The following REEP3 variants were observed in gnomAD, a reference collection of about 807,000 sequenced individuals.
The protein encoded by REEP3 is receptor accessory protein 3, also known as receptor expression-enhancing protein 3.
A neutral mutation model predicts 41.3 loss-of-function variants in REEP3; 20 were observed. The ratio of observed to expected loss-of-function variants is 0.48; its 90% confidence interval spans 0.34 to 0.70. REEP3 has a LOEUF of 0.70. REEP3 is among the 30% of genes least tolerant of loss of function. The pLI is 0.01. For missense variants in REEP3, 271 were observed against 308.8 expected (o/e 0.88, Z 0.92); for synonymous variants, 104 against 101.8 (o/e 1.02, Z -0.13).
Position 63,617,812 on chromosome 10 carries a change from CTTTTTTT to C in REEP3, c.566-1822_566-1816del, listed in dbSNP as rs60910642. 8.4e-5 allele frequency among the ~76,000 whole-genome samples: 7 copies of C among 83,550 alleles called. No homozygotes were observed. The East Asian group carries it at 1.5e-3, about 18-fold the overall frequency. The allele number at this position is 83,550 out of a possible 152,430, so 54.8% of individuals were successfully genotyped here. A position where few individuals can be genotyped will look rare whatever the true frequency, so the allele number is the denominator to read the frequency against. ...TCCTAAGCCTGGAAATCCTTCTACT[CTTTTTTT>C]TTTTTTTTTTTTTTTTTTTTAAAGA... On this transcript the variant is annotated intron_variant, in intron 6 of 7. Coordinates refer to ENST00000373758, the MANE Select transcript of REEP3 (RefSeq NM_001001330.3).
At chr10:63,609,901 T>C (rs1367425996) in intron 5 of REEP3, among the ~76,000 whole-genome samples, 1 of 152,260 alleles carries the variant, frequency 6.6e-6, no homozygotes, top group Non-Finnish European at 1.5e-5. Context: ...AAGCCCATCA[T>C]ACATCTTTTA....
intron 1 of REEP3, among the ~76,000 whole-genome samples, chr10:63,528,427 G>A (rs1955387337): frequency 6.6e-6 from 1 of 152,096 alleles, no homozygotes; most frequent in African/African-American, 2.4e-5. Flanking sequence ...AATACATCCT[G>A]TACTCACCAC....
chr10:63,571,966 C>G (rs1236456527), intron 2 of REEP3, among the ~76,000 whole-genome samples: 3 of 152,140 alleles, frequency 2.0e-5, no homozygotes, highest in South Asian at 2.1e-4. Flanking sequence ...GTTGAAACAG[C>G]CTTCACAACC....
At chr10:63,562,352 G>C (rs1955749005) in intron 1 of REEP3, among the ~76,000 whole-genome samples, 1 of 151,466 alleles carries the variant, frequency 6.6e-6, no homozygotes, top group Admixed American at 6.6e-5. Context: ...CCACCTCCCA[G>C]GTTCCAGCGA....
intron 1 of REEP3, among the ~76,000 whole-genome samples, chr10:63,536,477 A>T (rs1036845137): frequency 6.6e-6 from 1 of 152,194 alleles, no homozygotes; most frequent in Non-Finnish European, 1.5e-5. Flanking sequence ...TTTAAAAGCT[A>T]ATTAGAAACT....
At chr10:63,564,097 G>A (rs11814936) in intron 1 of REEP3, among the ~76,000 whole-genome samples, 5,253 of 152,210 alleles carry the variant, frequency 0.035, 118 homozygotes, top group Middle Eastern at 0.11. Context: ...ACAAAAATCA[G>A]CACTGGTACA....
chr10:63,595,865 A>G (rs1956109835), intron 3 of REEP3, among the ~76,000 whole-genome samples: 1 of 152,250 alleles, frequency 6.6e-6, no homozygotes, highest in Non-Finnish European at 1.5e-5. Flanking sequence ...GGCATCAGCC[A>G]TTGCACCCAG....
rs1378073182 is a variant in REEP3 at position 63,521,414 on chromosome 10, G to A, written c.-132G>A. Reference sequence around the variant, plus strand: ...GCCGCCGCGCGCACACACCGGGCCCGGCTCCTGAGGGCGCCAGCGCGGCCC... The same window carrying A: ...GCCGCCGCGCGCACACACCGGGCCCAGCTCCTGAGGGCGCCAGCGCGGCCC... On this transcript the variant is annotated 5_prime_UTR_variant, in exon 1 of 8. Transcript: ENST00000373758. The A allele has an allele frequency of 1.8e-5, 5 of 276,550 alleles. No homozygotes were observed. The South Asian group carries it at 5.3e-4, about 30-fold the overall frequency. 17.1% of individuals were successfully genotyped at this position (276,550 alleles called of 1,614,324 possible).
At chr10:63,523,387 C>A (rs1955314546) in intron 1 of REEP3, among the ~76,000 whole-genome samples, 1 of 152,172 alleles carries the variant, frequency 6.6e-6, no homozygotes, top group South Asian at 2.1e-4. Context: ...AATCCTAGCA[C>A]TTTGGGAGGC....
intron 1 of REEP3, among the ~76,000 whole-genome samples, chr10:63,526,161 A>C (rs890731902): frequency 3.3e-5 from 5 of 152,218 alleles, no homozygotes; most frequent in Non-Finnish European, 7.3e-5. Flanking sequence ...TAAAAATGTT[A>C]TACTAGTCTT....
chr10:63,606,256 C>T (rs1476315416), intron 5 of REEP3: 1 of 69,682 alleles, frequency 1.4e-5, no homozygotes, highest in Non-Finnish European at 2.8e-5. Context: ...TAGACTAGAA[C>T]TTTTCTTTTT....
At chr10:63,584,854 C>T (rs1266491711) in intron 2 of REEP3, among the ~76,000 whole-genome samples, 1 of 152,104 alleles carries the variant, frequency 6.6e-6, no homozygotes, top group East Asian at 1.9e-4. Flanking sequence ...GTCTGAAATT[C>T]AGCAGTGTTT....
At chr10:63,595,572 G>A (rs892654753) in intron 3 of REEP3, among the ~76,000 whole-genome samples, 2 of 151,388 alleles carry the variant, frequency 1.3e-5, no homozygotes, top group African/African-American at 2.4e-5. Flanking sequence ...ACAATTACTC[G>A]TCTTTTTTTT....
chr10:63,559,743 A>G (rs1007801480), intron 1 of REEP3, among the ~76,000 whole-genome samples: 1 of 152,186 alleles, frequency 6.6e-6, no homozygotes, highest in Non-Finnish European at 1.5e-5. Context: ...CAAGTGATAT[A>G]AGTAAAGTGC....
intron 1 of REEP3, among the ~76,000 whole-genome samples, chr10:63,535,583 A>G (rs546950385): frequency 6.6e-6 from 1 of 152,278 alleles, no homozygotes; most frequent in Admixed American, 6.5e-5. Context: ...TCACTATTAC[A>G]TGTCATGATT....
intron 5 of REEP3, among the ~76,000 whole-genome samples, chr10:63,609,067 C>T (rs892578038): frequency 9.2e-5 from 14 of 152,126 alleles, no homozygotes; most frequent in Non-Finnish European, 1.8e-4. Flanking sequence ...GATTCTTTGG[C>T]TCTTACATGT....
At chr10:63,546,142 G>A (rs562593021) in intron 1 of REEP3, among the ~76,000 whole-genome samples, 1 of 152,318 alleles carries the variant, frequency 6.6e-6, no homozygotes, top group African/African-American at 2.4e-5. Flanking sequence ...CTGGCTCTGA[G>A]TGAGGTGGGA....
At chr10:63,571,217 A>C (rs1955849266) in intron 2 of REEP3, among the ~76,000 whole-genome samples, 1 of 152,198 alleles carries the variant, frequency 6.6e-6, no homozygotes, top group African/African-American at 2.4e-5. Flanking sequence ...TACGAGTTTC[A>C]AAGTACTTTT....
At chr10:63,564,812 C>T (rs1396734658) in intron 1 of REEP3, among the ~76,000 whole-genome samples, 1 of 152,116 alleles carries the variant, frequency 6.6e-6, no homozygotes, top group African/African-American at 2.4e-5. Context: ...GAAGCAGCAA[C>T]ATCACAACCA....
Sources: gnomAD v4.1 joint callset for allele counts (sites outside exome capture counted in the v4.1 genomes callset) on GRCh38, gnomAD v4.1.1 for gene constraint, MANE v1.5 for transcripts, NCBI Gene and HGNC (gene_info 2026-07-23, HGNC 2026-07-21) for gene names.